Variants in ZNF343 observed in about 807,000 individuals in gnomAD.
ZNF343 encodes zinc finger protein 343.
ZNF343 carries 11 observed loss-of-function variants against 13.8 expected under a neutral mutation model. The ratio of observed to expected loss-of-function variants is 0.80; its 90% confidence interval spans 0.50 to 1.32. The LOEUF is 1.32. Ranked by LOEUF, ZNF343 falls within the 40% of genes most tolerant of loss-of-function variation. The pLI is 0.00. For synonymous variants in ZNF343, 248 were observed against 260.0 expected (o/e 0.95, Z 0.44); for missense variants, 658 against 714.2 (o/e 0.92, Z 0.90).
chr20:2,487,642 C>T (rs1275533791), intron 5 of ZNF343, among the ~76,000 whole-genome samples: 1 of 152,308 alleles, frequency 6.6e-6, no homozygotes, highest in Non-Finnish European at 1.5e-5. Flanking sequence ...TAACCCTGTA[C>T]AAGTGTAATA....
At position 2,484,324 on chromosome 20, in the gene ZNF343, T is replaced by C. The variant is rs2085245318; in HGVS notation, c.637A>G (p.Thr213Ala). ...GGTCTTTGGGCTGAGCTGGGCTCTG[T>C]TTCTACCACCATGTTGCCTTTTCTA... ...SPRKGNMVVETEPSSAQRPNP... is the reference protein window; with the variant it reads ...SPRKGNMVVEAEPSSAQRPNP... The change falls in exon 6 of 6, where the codon ACA (threonine) becomes GCA (alanine). Residue 213 changes from threonine (T) to alanine (A), a missense_variant. Coordinates refer to ENST00000278772, the MANE Select transcript of ZNF343 (RefSeq NM_024325.6). 1 of 1,614,232 alleles carries C rather than the reference T, an allele frequency of 6.2e-7. No homozygotes were observed.
In ZNF343 at chr20:2,483,985, A is replaced by C. The variant is rs1484942266; in HGVS notation, c.976T>G (p.Leu326Val). 1 of 1,612,716 alleles carries C rather than the reference A, an allele frequency of 6.2e-7. No homozygotes were observed. The highest frequency in any genetic ancestry group is 8.5e-7 in the Non-Finnish European group (1 of 1,179,568). Residue 326 changes from leucine (L) to valine (V), a missense_variant, in exon 6 of 6, where the codon TTG becomes GTG. Leu to Val is a conservative substitution (Grantham distance 32). Coordinates refer to ENST00000278772, the MANE Select transcript of ZNF343 (RefSeq NM_024325.6). ...AAGCTTTGCCCACACTCCCTGCACA[A>C]ATAAGGCTTCTCTTCTGAATGTGTT... ...QRTHSEEKPYLCRECGQSFRS... is the reference protein window; with the variant it reads ...QRTHSEEKPYVCRECGQSFRS...
intron 2 of ZNF343, among the ~76,000 whole-genome samples, chr20:2,495,221 C>G (rs1326611320): frequency 6.6e-6 from 1 of 152,232 alleles, no homozygotes; most frequent in Non-Finnish European, 1.5e-5. Flanking sequence ...TCTCTATTTA[C>G]GTGACTGTCT....
chr20:2,507,113 A>C (rs893146420), intron 1 of ZNF343, among the ~76,000 whole-genome samples: 2 of 151,866 alleles, frequency 1.3e-5, no homozygotes, highest in African/African-American at 4.8e-5. Context: ...AAAAATACAA[A>C]ATTAGCTGGG....
chr20:2,487,675 G>A, intron 5 of ZNF343, among the ~76,000 whole-genome samples: 1 of 152,188 alleles, frequency 6.6e-6, no homozygotes, highest in East Asian at 1.9e-4. Flanking sequence ...AATCTTCAGG[G>A]TAAATTCCTA....
At chr20:2,499,735 G>A (rs2085528767) in intron 2 of ZNF343, among the ~76,000 whole-genome samples, 1 of 152,160 alleles carries the variant, frequency 6.6e-6, no homozygotes, top group Admixed American at 6.5e-5. Context: ...GAAAGACTCA[G>A]AGCTCCGGCT....
chr20:2,492,580 G>T, intron 5 of ZNF343, 119 bp downstream of exon 5: 1 of 1,225,520 alleles, frequency 8.2e-7, no homozygotes, highest in Non-Finnish European at 1.1e-6. Flanking sequence ...TGGAGGCAGG[G>T]ATTACGATTT....
chr20:2,506,810 G>C (rs1367138530), intron 1 of ZNF343, among the ~76,000 whole-genome samples: 1 of 152,062 alleles, frequency 6.6e-6, no homozygotes, highest in Non-Finnish European at 1.5e-5. Context: ...TGAGGGGAGC[G>C]GGGAGGGATA....
chr20:2,506,785 G>A (rs2085665441), intron 1 of ZNF343, among the ~76,000 whole-genome samples: 1 of 152,078 alleles, frequency 6.6e-6, no homozygotes, highest in Non-Finnish European at 1.5e-5. Context: ...TCACACCCCG[G>A]GGCCTGTTGT....
At chr20:2,523,999 T>C (rs1204851496) in intron 1 of ZNF343, among the ~76,000 whole-genome samples, 1 of 116,392 alleles carries the variant, frequency 8.6e-6, no homozygotes, top group African/African-American at 3.2e-5. Flanking sequence ...AAAAAAAAAA[T>C]CGAAGTGTGA....
At position 2,492,967 on chromosome 20, in the gene ZNF343, TCTGAGCACTACTGTCTGC is replaced by T; in HGVS notation, c.178-160_178-143del. The T allele has an allele frequency of 3.4e-6, 4 of 1,183,120 alleles. No individual in the cohort carries two copies. In the South Asian group the frequency reaches 5.8e-5, roughly 17 times the overall value. 73.3% of individuals were successfully genotyped at this position (1,183,120 alleles called of 1,614,324 possible). The stretch of plus-strand genomic sequence containing the variant: ...TATATGGTTCTCCATATGAAGTTCT[TCTGAGCACTACTGTCTGC>T]CTGGCTTTCTGTTAAAACCTGTGAG... On this transcript the variant is annotated intron_variant, in intron 4 of 5. Transcript: ENST00000278772.
rs1466065433 is a variant in ZNF343, at chr20:2,508,520, C to G, written c.-237+361G>C. 6.6e-6 allele frequency among the ~76,000 whole-genome samples: 1 copy of G among 152,184 alleles called. No homozygotes were observed. Among genetic ancestry groups the G allele is most frequent in the Non-Finnish European group, 1.5e-5 (1 of 68,028 alleles). On this transcript the variant is annotated intron_variant, in intron 1 of 5. Coordinates refer to ENST00000278772, the MANE Select transcript of ZNF343 (RefSeq NM_024325.6). The surrounding 1 kb of genome is among the most constrained non-coding windows in gnomAD (Gnocchi z 4.5). ...CCATTTGGCCCTGGCAGAACTCAAC[C>G]CCACAGCCCAAATAAACCCCAGGAC...
intron 5 of ZNF343, among the ~76,000 whole-genome samples, chr20:2,490,995 A>G (rs1430195252): frequency 6.6e-6 from 1 of 152,228 alleles, no homozygotes; most frequent in Admixed American, 6.5e-5. Flanking sequence ...ATCAAAGAAG[A>G]TGAAAATGGA....
chr20:2,514,378 G>C (rs1019608991), intron 1 of ZNF343, among the ~76,000 whole-genome samples: 2 of 152,162 alleles, frequency 1.3e-5, no homozygotes, highest in African/African-American at 4.8e-5. Context: ...ATGAAAATGA[G>C]CTTGAATCGC....
At chr20:2,505,737 A>G (rs1484672926) in intron 1 of ZNF343, among the ~76,000 whole-genome samples, 1 of 152,212 alleles carries the variant, frequency 6.6e-6, no homozygotes, top group Non-Finnish European at 1.5e-5. Context: ...CTGGCTAGCC[A>G]TATGTAGAAA....
chr20:2,482,898 A>C lies in ZNF343; in HGVS notation c.*263T>G, dbSNP rs1056956135. ...TTGCTAAAGCCTTCCCACAGTCCCT[A>C]CACATAAACTTCTCTCCTAAGTGTG... On this transcript the variant is annotated 3_prime_UTR_variant, in exon 6 of 6. Coordinates refer to ENST00000278772, the MANE Select transcript of ZNF343 (RefSeq NM_024325.6). 2 of 485,120 alleles carry C rather than the reference A, an allele frequency of 4.1e-6. No homozygotes were observed. The highest frequency in any genetic ancestry group is 3.3e-5 in the East Asian group (1 of 30,314). 30.1% of individuals were successfully genotyped at this position (485,120 alleles called of 1,614,324 possible).
At chr20:2,521,835 G>A (rs2085783754) in intron 1 of ZNF343, among the ~76,000 whole-genome samples, 1 of 152,196 alleles carries the variant, frequency 6.6e-6, no homozygotes, top group Non-Finnish European at 1.5e-5. Flanking sequence ...AGACGTGGGT[G>A]GTCGCGGTCA....
chr20:2,501,562 C>T (rs536369410), intron 1 of ZNF343, among the ~76,000 whole-genome samples: 2 of 152,206 alleles, frequency 1.3e-5, no homozygotes, highest in Admixed American at 6.5e-5. Context: ...AGGCACCCCC[C>T]AGTAGGGGCA....
intron 1 of ZNF343, among the ~76,000 whole-genome samples, chr20:2,504,916 A>G (rs1228971548): frequency 6.6e-6 from 1 of 151,944 alleles, no homozygotes; most frequent in Non-Finnish European, 1.5e-5. Context: ...CTCTCTCACC[A>G]CTCCTATTCA....
Sources: gnomAD v4.1 joint callset for allele counts (sites outside exome capture counted in the v4.1 genomes callset) on GRCh38, gnomAD v4.1.1 for gene constraint, Gnocchi (gnomAD v3.1) non-coding constraint, MANE v1.5 for transcripts, NCBI Gene and HGNC (gene_info 2026-07-23, HGNC 2026-07-21) for gene names.